Variants in SRPK1 observed in about 807,000 individuals in gnomAD.
SRPK1 encodes the protein SFRS protein kinase 1.
Under a neutral mutation model 89.5 loss-of-function variants are expected in SRPK1, and 52 were observed. The ratio of observed to expected loss-of-function variants is 0.58; its 90% CI spans 0.46 to 0.73. SRPK1 has a LOEUF of 0.73. Among genes scored for constraint, SRPK1 ranks in the 30% least tolerant of loss-of-function variants. The pLI is 0.00. For missense variants in SRPK1, 603 were observed against 780.6 expected (o/e 0.77, Z 2.71); for synonymous variants, 255 against 270.2 (o/e 0.94, Z 0.55).
At chr6:35,836,282 ACCC>A (rs890676330) in intron 15 of SRPK1, among the ~76,000 whole-genome samples, 10 of 150,982 alleles carry the variant, frequency 6.6e-5, no homozygotes, top group Admixed American at 2.0e-4. Flanking sequence ...TCTCCAAACC[ACCC>A]CCCAACCCCC....
At chr6:35,875,820 A>G (rs1290730357) in intron 6 of SRPK1, among the ~76,000 whole-genome samples, 2 of 152,182 alleles carry the variant, frequency 1.3e-5, no homozygotes, top group Non-Finnish European at 2.9e-5. Flanking sequence ...TTAATTACAA[A>G]AAGAACAAAG....
chr6:35,919,445 A>T (rs1297044817), intron 2 of SRPK1, among the ~76,000 whole-genome samples: 1 of 152,208 alleles, frequency 6.6e-6, no homozygotes, highest in Non-Finnish European at 1.5e-5. Context: ...GTATCAGCTC[A>T]GAGGGAATTA....
intron 6 of SRPK1, among the ~76,000 whole-genome samples, chr6:35,875,493 C>T (rs532264419): frequency 1.3e-5 from 2 of 152,198 alleles, no homozygotes; most frequent in African/African-American, 4.8e-5. Context: ...GGATTACAAG[C>T]GTGAGCCACT....
At chr6:35,872,228 T>A (rs902053853) in intron 8 of SRPK1, among the ~76,000 whole-genome samples, 1 of 152,216 alleles carries the variant, frequency 6.6e-6, no homozygotes, top group African/African-American at 2.4e-5. Flanking sequence ...TTAATAGCAA[T>A]GTTATCTTGT....
Position 35,862,270 on chromosome 6 carries a change from A to G in SRPK1, c.1513-4902T>C, listed in dbSNP as rs371116476. 2.2e-4 allele frequency among the ~76,000 whole-genome samples: 34 copies of G among 152,190 alleles called. No individual in the cohort carries two copies. The East Asian group carries it at 5.6e-3, about 25-fold the overall frequency. ...CTGGAATCAACGCTCTGGGGCCTAA[A>G]AACAGGAACACTCAGCCCACTAATG... is the stretch of plus-strand genomic sequence containing the variant. On this transcript the variant is annotated intron_variant, in intron 12 of 15. Coordinates refer to ENST00000373825, the MANE Select transcript of SRPK1 (RefSeq NM_003137.5).
intron 2 of SRPK1, among the ~76,000 whole-genome samples, chr6:35,893,255 C>T (rs1770557714): frequency 1.3e-5 from 2 of 152,140 alleles, no homozygotes; most frequent in African/African-American, 2.4e-5. Context: ...GAGGCCAAGG[C>T]GGGCAGATCC....
At position 35,914,531 on chromosome 6, in the gene SRPK1, T is replaced by C. The variant is rs150422423; in HGVS notation, c.74+5937A>G. On this transcript the variant is annotated intron_variant, in intron 2 of 15. Coordinates refer to ENST00000373825, the MANE Select transcript of SRPK1 (RefSeq NM_003137.5). ...TGTCACCTTTTCAGTGTGGCCTCCA[T>C]CACCCTATTTAAAACTGTAACCTTA... Among the ~76,000 whole-genome samples, 262 of 152,316 alleles carry C rather than the reference T, an allele frequency of 1.7e-3. 6 individuals are homozygous for C. In the South Asian group the frequency reaches 0.026, roughly 15 times the overall value.
chr6:35,916,246 T>A (rs3045888), intron 2 of SRPK1, among the ~76,000 whole-genome samples: 27,828 of 130,514 alleles, frequency 0.21, 2,716 homozygotes, highest in East Asian at 0.3. Flanking sequence ...ATAAATAAAT[T>A]AATTAATTAA....
intron 15 of SRPK1, among the ~76,000 whole-genome samples, chr6:35,838,136 G>C (rs1769223722): frequency 6.6e-6 from 1 of 152,046 alleles, no homozygotes; most frequent in Non-Finnish European, 1.5e-5. Context: ...CCAAAGTGCT[G>C]GGATCACAGG....
At chr6:35,918,144 T>C (rs958779738) in intron 2 of SRPK1, among the ~76,000 whole-genome samples, 2 of 152,052 alleles carry the variant, frequency 1.3e-5, no homozygotes, top group Non-Finnish European at 2.9e-5. Context: ...ACATTTCAGC[T>C]ACTTAAAAGG....
chr6:35,907,630 G>A (rs557336529), intron 2 of SRPK1, among the ~76,000 whole-genome samples: 3 of 152,118 alleles, frequency 2.0e-5, no homozygotes, highest in South Asian at 2.1e-4. Flanking sequence ...ACTTGAACCC[G>A]GGAGGCGGGG....
rs532327162 is a variant in SRPK1 at position 35,851,190 on chromosome 6, CT to C, written c.1620+6070del. On this transcript the variant is annotated intron_variant, in intron 13 of 15. Coordinates refer to ENST00000373825, the MANE Select transcript of SRPK1 (RefSeq NM_003137.5). ...GTGGTTGGTATTGGATTTTTTTTTT[CT>C]TTTTTTTTTGAGACAGGGTCTCACT... is the stretch of plus-strand genomic sequence containing the variant. 7.8e-4 allele frequency among the ~76,000 whole-genome samples: 107 copies of C among 136,710 alleles called. 1 individual carries two copies. The highest frequency in any genetic ancestry group is 4.6e-3 in the South Asian group (19 of 4,158). 89.7% of individuals were successfully genotyped at this position (136,710 alleles called of 152,430 possible).
At chr6:35,865,966 G>A (rs1208946402) in intron 12 of SRPK1, among the ~76,000 whole-genome samples, 1 of 151,540 alleles carries the variant, frequency 6.6e-6, no homozygotes, top group Non-Finnish European at 1.5e-5. Context: ...CAAACTATAT[G>A]ACCCAACAGG....
At chr6:35,850,622 A>G (rs1369503492) in intron 13 of SRPK1, among the ~76,000 whole-genome samples, 1 of 152,248 alleles carries the variant, frequency 6.6e-6, no homozygotes, top group Non-Finnish European at 1.5e-5. Context: ...AAATGGTTCT[A>G]TATCAAAGAT....
chr6:35,911,367 C>T (rs1213589671), intron 2 of SRPK1, among the ~76,000 whole-genome samples: 1 of 152,028 alleles, frequency 6.6e-6, no homozygotes, highest in Non-Finnish European at 1.5e-5. Flanking sequence ...GACTAAATTG[C>T]TCCAATCTCA....
chr6:35,885,298 C>CACACACACACAGAGAG (rs1276672274), intron 6 of SRPK1, among the ~76,000 whole-genome samples: 7 of 113,188 alleles, frequency 6.2e-5, no homozygotes, highest in African/African-American at 2.5e-4. Flanking sequence ...CACACACACA[C>CACACACACACAGAGAG]AGAGAGAGAG....
chr6:35,867,688 A>G (rs1010125820), intron 12 of SRPK1, among the ~76,000 whole-genome samples: 8 of 151,924 alleles, frequency 5.3e-5, no homozygotes, highest in South Asian at 2.1e-4. Flanking sequence ...ATGCTGGCGC[A>G]CGCCTGTAAT....
rs548018659 is a variant in SRPK1, at chr6:35,861,668, G to A, written c.1513-4300C>T. Among the ~76,000 whole-genome samples the A allele has an allele frequency of 3.3e-5, 5 of 152,364 alleles. No individual in the cohort carries two copies. In the South Asian group the frequency reaches 8.3e-4, roughly 25 times the overall value. On this transcript the variant is annotated intron_variant, in intron 12 of 15. Coordinates refer to ENST00000373825, the MANE Select transcript of SRPK1 (RefSeq NM_003137.5). ...GGTCCCAGGCATAAAGTGCTATTTTGAGAGGTTAATGCTAGGTTGCGCCTT... is the reference window on the plus strand; with the variant it reads ...GGTCCCAGGCATAAAGTGCTATTTTAAGAGGTTAATGCTAGGTTGCGCCTT...
At chr6:35,861,385 G>T (rs1769779323) in intron 12 of SRPK1, among the ~76,000 whole-genome samples, 1 of 152,206 alleles carries the variant, frequency 6.6e-6, no homozygotes, top group African/African-American at 2.4e-5. Flanking sequence ...AACCCACAGA[G>T]AATCCCACAG....
Sources: allele counts gnomAD v4.1 joint callset (sites outside exome capture counted in the v4.1 genomes callset), GRCh38; gene constraint gnomAD v4.1.1; transcripts MANE v1.5; gene names NCBI Gene and HGNC (gene_info 2026-07-23, HGNC 2026-07-21).